Variants in IST1 observed in about 807,000 individuals in gnomAD.
The protein encoded by IST1 is IST1 homolog.
IST1 carries 23 observed loss-of-function variants against 37.0 expected under a neutral mutation model. That is an observed-to-expected ratio of 0.62 (90% CI 0.45 to 0.88). The LOEUF is 0.88. IST1 is among the 40% of genes least tolerant of loss of function. IST1 has a pLI of 0.00. For synonymous variants in IST1, 180 were observed against 161.7 expected (o/e 1.11, Z -0.86); for missense variants, 488 against 445.4 (o/e 1.10, Z -0.86).
At chr16:71,902,615 T>G (rs1187738099) in intron 1 of IST1, among the ~76,000 whole-genome samples, 1 of 152,190 alleles carries the variant, frequency 6.6e-6, no homozygotes, top group Admixed American at 6.6e-5. Flanking sequence ...TATTTTCTAT[T>G]TCTTTGTGTC....
chr16:71,912,264 A>G (rs922103557), intron 1 of IST1, among the ~76,000 whole-genome samples: 5 of 151,608 alleles, frequency 3.3e-5, no homozygotes, highest in African/African-American at 1.2e-4. Context: ...TTGAGACGGA[A>G]TCTCGCTCTG....
intron 1 of IST1, among the ~76,000 whole-genome samples, chr16:71,909,608 A>G (rs9302632): frequency 0.8 from 121,760 of 152,214 alleles, 49,050 homozygotes; most frequent in East Asian, 0.98. Flanking sequence ...GTCTAAAATG[A>G]TCATATCAGT....
At chr16:71,895,154 T>C (rs1198466282), upstream of IST1, 10 of 265,664 alleles carry the variant, frequency 3.8e-5, no homozygotes, top group Non-Finnish European at 6.6e-5. Context: ...ACTCCCGGCG[T>C]CAGAGAGGCG....
In IST1 at chr16:71,920,750, G is replaced by C; in HGVS notation, c.369G>C (p.Gln123His). Residue 123 changes from glutamine to histidine, a missense_variant, in exon 5 of 10, where the codon CAG becomes CAC. By Grantham distance (24) the Gln-to-His change is conservative. Transcript: ENST00000378799. The stretch of plus-strand genomic sequence containing the variant: ...CTTTTTCTTTTTAGGTTGCTGATCA[G>C]CTCTGTGCCAAGTATAGCAAGGAAT... Reference protein sequence around the residue: ...EVAELKIVADQLCAKYSKEYG... With the variant: ...EVAELKIVADHLCAKYSKEYG... The C allele has an allele frequency of 6.2e-7, 1 of 1,613,640 alleles. No homozygotes were observed. Among genetic ancestry groups the C allele is most frequent in the Non-Finnish European group, 8.5e-7 (1 of 1,179,546 alleles).
chr16:71,898,902 T>G (rs1177965069), intron 1 of IST1, among the ~76,000 whole-genome samples: 1 of 149,514 alleles, frequency 6.7e-6, no homozygotes, highest in African/African-American at 2.5e-5. Flanking sequence ...GAGGCGGAGA[T>G]TGCAGTGAGC....
Position 71,921,058 on chromosome 16 carries a change from T to C in IST1, c.441+236T>C, listed in dbSNP as rs531602541. ...CCCACTTTGTATGCCTCGTGTCATTTGTGAAGGTTGGAAGTGAGGTGGGGA... is the reference window on the plus strand; with the variant it reads ...CCCACTTTGTATGCCTCGTGTCATTCGTGAAGGTTGGAAGTGAGGTGGGGA... On this transcript the variant is annotated intron_variant, in intron 5 of 9. Transcript: ENST00000378799. 1.3e-5 allele frequency: 8 copies of C among 609,716 alleles called. No homozygotes were observed. In the East Asian group the frequency reaches 2.0e-4, roughly 15 times the overall value. The allele number at this position is 609,716 out of a possible 1,614,324, so 37.8% of individuals were successfully genotyped here.
chr16:71,902,107 A>T (rs188627524), intron 1 of IST1, among the ~76,000 whole-genome samples: 2 of 152,232 alleles, frequency 1.3e-5, no homozygotes, highest in Admixed American at 1.3e-4. Context: ...ATATAACACA[A>T]TGTGCTAATT....
intron 1 of IST1, among the ~76,000 whole-genome samples, chr16:71,912,459 G>A (rs1001759192): frequency 3.0e-4 from 46 of 152,078 alleles, no homozygotes; most frequent in South Asian, 2.1e-4. Flanking sequence ...GGATGGTCTC[G>A]ATCTCCTGAC....
At chr16:71,906,803 A>G (rs1419542858) in intron 1 of IST1, among the ~76,000 whole-genome samples, 2 of 152,100 alleles carry the variant, frequency 1.3e-5, no homozygotes, top group Non-Finnish European at 2.9e-5. Flanking sequence ...CTGAAGTGAA[A>G]TCTACAGTCA....
At position 71,923,290 on chromosome 16, in the gene IST1, A is replaced by G; in HGVS notation, c.762A>G (p.Ser254=). The change falls in exon 8 of 10, where the codon TCA becomes TCG. Residue 254 remains serine, a splice_region_variant and synonymous_variant. Transcript: ENST00000378799. The stretch of plus-strand genomic sequence containing the variant: ...ATGTTGCCTTTCTCCTCTTACAGTC[A>G]GATTTCAATGGACTGCCAATGGGGA... ...PFSYPLPKGP[S]DFNGLPMGTY... is the part of the protein sequence containing the mutation. 1 of 1,603,930 alleles carries G rather than the reference A, an allele frequency of 6.2e-7. No homozygotes were observed. Among genetic ancestry groups the G allele is most frequent in the Non-Finnish European group, 8.5e-7 (1 of 1,172,082 alleles).
At chr16:71,900,673 A>ATG (rs10679287) in intron 1 of IST1, among the ~76,000 whole-genome samples, 2 of 151,846 alleles carry the variant, frequency 1.3e-5, no homozygotes, top group African/African-American at 2.4e-5. Flanking sequence ...AGATAAGTAT[A>ATG]TATGTATATA....
intron 4 of IST1, among the ~76,000 whole-genome samples, chr16:71,917,704 T>A (rs777534778): frequency 3.3e-5 from 5 of 152,208 alleles, no homozygotes; most frequent in Admixed American, 6.5e-5. Context: ...TCTGTTTTAT[T>A]TCCTAGGAGA....
chr16:71,922,442 G>GTTA (rs762480208), intron 6 of IST1, 32 bp from the exon 7 acceptor site: 4 of 1,593,244 alleles, frequency 2.5e-6, no homozygotes, highest in Non-Finnish European at 2.6e-6. Context: ...TTGGACATGG[G>GTTA]TTAATGACCT....
intron 1 of IST1, 154 bp from the exon 2 acceptor site, chr16:71,915,472 C>G (rs2142566249): frequency 1.8e-6 from 1 of 553,406 alleles, no homozygotes; most frequent in East Asian, 3.2e-5. Context: ...TTACAACAGC[C>G]AAAACAATCT....
chr16:71,923,220 C>A, intron 7 of IST1, 68 bp from the exon 8 acceptor site: 2 of 815,824 alleles, frequency 2.5e-6, no homozygotes, highest in Middle Eastern at 4.8e-4. Flanking sequence ...TTCTCCCTTC[C>A]CATACCCAAA....
chr16:71,924,122 C>G (rs74891946), intron 8 of IST1: 36,311 of 455,900 alleles, frequency 0.08, 1,761 homozygotes, highest in Non-Finnish European at 0.097. Context: ...CTGAGTTTTT[C>G]TTATGCTTTG....
At chr16:71,904,596 G>A (rs1227660695) in intron 1 of IST1, among the ~76,000 whole-genome samples, 2 of 152,156 alleles carry the variant, frequency 1.3e-5, no homozygotes, top group African/African-American at 4.8e-5. Context: ...ATTTTTAATT[G>A]TAGAGATGGG....
chr16:71,929,444 TAAAAAC>T lies in IST1; in HGVS notation c.*1635_*1640del. 1.6e-6 allele frequency: 2 copies of T among 1,270,246 alleles called. No homozygotes were observed. Among genetic ancestry groups the T allele is most frequent in the South Asian group, 1.7e-5 (1 of 57,214 alleles). The allele number at this position is 1,270,246 out of a possible 1,614,324, so 78.7% of individuals were successfully genotyped here. ...GATTTTGATTCCTAACTTACAGAAT[TAAAAAC>T]AAAGTATATTATAATTTTAAAGCTA... On this transcript the variant is annotated 3_prime_UTR_variant, in exon 10 of 10. Coordinates refer to ENST00000378799, the MANE Select transcript of IST1 (RefSeq NM_001270975.2).
Position 71,928,067 on chromosome 16 carries a change from G to C in IST1, c.*254G>C. The C allele has an allele frequency of 2.2e-6, 1 of 458,082 alleles. No individual in the cohort carries two copies. Among genetic ancestry groups the C allele is most frequent in the Non-Finnish European group, 4.0e-6 (1 of 248,774 alleles). 28.4% of individuals were successfully genotyped at this position (458,082 alleles called of 1,614,324 possible). On this transcript the variant is annotated 3_prime_UTR_variant, in exon 10 of 10. Coordinates refer to ENST00000378799, the MANE Select transcript of IST1 (RefSeq NM_001270975.2). ...GTGCTTGTCCGTTTCCTGTCAGAGT[G>C]ATCCCAGGTTTCCTCCTGGCCCGTC...
Sources: gnomAD v4.1 joint callset for allele counts (sites outside exome capture counted in the v4.1 genomes callset) on GRCh38, gnomAD v4.1.1 for gene constraint, MANE v1.5 for transcripts, NCBI Gene and HGNC (gene_info 2026-07-23, HGNC 2026-07-21) for gene names.